PUDP: variants seen among roughly 807,000 people sequenced by gnomAD.
PUDP encodes pseudouridine-5'-phosphatase.
In PUDP, 8 loss-of-function variants were observed where a neutral mutation model predicts 9.4. That is an observed-to-expected ratio of 0.85 (90% CI 0.50 to 1.53). The LOEUF is 1.53. Ranked by LOEUF, PUDP falls within the 40% of genes most tolerant of loss-of-function variation. The pLI is 0.00. For missense variants in PUDP, 188 were observed against 189.7 expected, an observed-to-expected ratio of 0.99 and a Z score of 0.05; for synonymous variants, 99 against 80.7, an observed-to-expected ratio of 1.23 and a Z score of -1.22.
intron 3 of PUDP, among the ~76,000 whole-genome samples, chrX:6,904,690 G>A (rs1255782721): frequency 3.6e-5 from 4 of 111,806 alleles, no homozygotes; most frequent in African/African-American, 1.3e-4. Flanking sequence ...CTGGAAGGGA[G>A]CAGCCAAGGG....
intron 3 of PUDP, among the ~76,000 whole-genome samples, chrX:6,972,105 G>T (rs765509920): frequency 1.2e-4 from 13 of 112,176 alleles, no homozygotes; most frequent in African/African-American, 4.2e-4. Flanking sequence ...AGCTTAAGGA[G>T]ATTTTGAGCT....
chrX:6,752,460 T>C (rs1172408540), intron 3 of PUDP, among the ~76,000 whole-genome samples: 1 of 112,037 alleles, frequency 8.9e-6, no homozygotes, highest in Non-Finnish European at 1.9e-5. Context: ...TGATCCAGGC[T>C]GTCCTTTTTT....
chrX:6,849,083 CA>C (rs1416758949), intron 3 of PUDP, among the ~76,000 whole-genome samples: 1 of 111,953 alleles, frequency 8.9e-6, no homozygotes, highest in Non-Finnish European at 1.9e-5. Flanking sequence ...GTGTGATTCC[CA>C]TTTCCCTGGA....
chrX:6,803,480 C>T (rs778796850), intron 3 of PUDP, among the ~76,000 whole-genome samples: 8 of 112,297 alleles, frequency 7.1e-5, no homozygotes, highest in Non-Finnish European at 1.5e-4. Context: ...ACCCCTCCAA[C>T]CCCATCACCA....
chrX:6,746,358 C>A (rs988077033), intron 3 of PUDP, among the ~76,000 whole-genome samples: 8 of 112,200 alleles, frequency 7.1e-5, no homozygotes, highest in African/African-American at 2.6e-4. Context: ...CTTAAGTGAC[C>A]AGAGACTGGG....
intron 3 of PUDP, among the ~76,000 whole-genome samples, chrX:6,755,029 G>A (rs1254304644): frequency 9.0e-6 from 1 of 111,510 alleles, no homozygotes. Context: ...CAGTGCTGGA[G>A]TGCTGTCTTG....
At chrX:6,945,592 G>A (rs1280608814) in intron 3 of PUDP, among the ~76,000 whole-genome samples, 1 of 111,269 alleles carries the variant, frequency 9.0e-6, no homozygotes, top group Non-Finnish European at 1.9e-5. Context: ...TTAAAAAGAT[G>A]AAATTACTCC....
chrX:7,041,853 GTCTC>G (rs1048958376), intron 1 of PUDP, among the ~76,000 whole-genome samples: 10 of 71,406 alleles, frequency 1.4e-4, no homozygotes, highest in Admixed American at 1.8e-4. Context: ...CTACTTCCCA[GTCTC>G]TCTCTCTCTC....
chrX:6,961,081 C>A (rs1292479921), intron 3 of PUDP, among the ~76,000 whole-genome samples: 1 of 111,876 alleles, frequency 8.9e-6, no homozygotes, highest in African/African-American at 3.2e-5. Context: ...TGCCACCTGG[C>A]AAACTCCTAT....
intron 3 of PUDP, among the ~76,000 whole-genome samples, chrX:7,053,482 A>G (rs1470412110): frequency 2.7e-5 from 3 of 111,370 alleles, no homozygotes; most frequent in Non-Finnish European, 5.7e-5. Context: ...TCCCCATACT[A>G]TTCTCATGGT....
chrX:7,027,620 GA>G (rs1201542558), intron 1 of PUDP, among the ~76,000 whole-genome samples: 1 of 99,519 alleles, frequency 1.0e-5, no homozygotes, highest in African/African-American at 3.6e-5. Context: ...AGAATATAGA[GA>G]ATATATGTAA....
At chrX:7,109,128 C>A (rs1931967095) in intron 1 of PUDP, among the ~76,000 whole-genome samples, 1 of 111,894 alleles carries the variant, frequency 8.9e-6, no homozygotes, top group African/African-American at 3.2e-5. Flanking sequence ...GCTGGCCCAC[C>A]CTCCTCCTCA....
chrX:6,992,620 G>A (rs957133517), intron 1 of PUDP, among the ~76,000 whole-genome samples: 4 of 110,739 alleles, frequency 3.6e-5, no homozygotes, highest in African/African-American at 1.3e-4. Flanking sequence ...GCCAAAGGCA[G>A]TGGGGTGTAG....
chrX:6,908,631 G>T (rs377401513), intron 3 of PUDP, among the ~76,000 whole-genome samples: 28 of 111,466 alleles, frequency 2.5e-4, no homozygotes, highest in Non-Finnish European at 4.9e-4. Flanking sequence ...AGGGAAGCTC[G>T]CCTGAACCTT....
At chrX:7,086,037 C>T (rs1381302432) in intron 2 of PUDP, among the ~76,000 whole-genome samples, 1 of 111,811 alleles carries the variant, frequency 8.9e-6, no homozygotes, top group Non-Finnish European at 1.9e-5. Context: ...GATGGCTTCA[C>T]ACTGACCAAA....
At chrX:6,853,707 A>G (rs1569111305) in intron 3 of PUDP, among the ~76,000 whole-genome samples, 2 of 111,820 alleles carry the variant, frequency 1.8e-5, no homozygotes, top group East Asian at 5.6e-4. Context: ...GATATTTCAT[A>G]TAAATGAAAT....
At chrX:6,727,415 C>A (rs984290818) in intron 3 of PUDP, among the ~76,000 whole-genome samples, 3 of 111,839 alleles carry the variant, frequency 2.7e-5, no homozygotes, top group Non-Finnish European at 5.6e-5. Flanking sequence ...AAAATTTAGA[C>A]TAACTAAAAA....
chrX:6,841,313 C>T (rs1360828876), intron 3 of PUDP, among the ~76,000 whole-genome samples: 1 of 108,780 alleles, frequency 9.2e-6, no homozygotes, highest in African/African-American at 3.4e-5. Context: ...ATATTTTGGC[C>T]AGGTGTGCTG....
intron 1 of PUDP, among the ~76,000 whole-genome samples, chrX:7,130,543 G>A (rs1281491978): frequency 9.0e-6 from 1 of 111,650 alleles, no homozygotes; most frequent in East Asian, 2.8e-4. Context: ...GCCAGGCACA[G>A]TGGCTCATAC....
Sources: gnomAD v4.1 joint callset for allele counts (sites outside exome capture counted in the v4.1 genomes callset) on GRCh38, gnomAD v4.1.1 for gene constraint, MANE v1.5 for transcripts, NCBI Gene and HGNC (gene_info 2026-07-23, HGNC 2026-07-21) for gene names.